Variants in CYP27A1 observed in about 807,000 individuals in gnomAD.
The protein encoded by CYP27A1 is sterol 26-hydroxylase, mitochondrial.
Under a neutral mutation model 58.2 loss-of-function variants are expected in CYP27A1, and 46 were observed. That is an observed-to-expected ratio of 0.79 (90% confidence interval 0.62 to 1.01). CYP27A1 has a LOEUF of 1.01. CYP27A1 is among the 50% of genes least tolerant of loss of function. CYP27A1 has a pLI of 0.00. For synonymous variants in CYP27A1, 274 were observed against 285.1 expected (o/e 0.96, Z 0.39); for missense variants, 704 against 687.0 (o/e 1.02, Z -0.28).
At chr2:218,789,639 G>A (rs1241517204) in intron 1 of CYP27A1, among the ~76,000 whole-genome samples, 1 of 152,224 alleles carries the variant, frequency 6.6e-6, no homozygotes, top group African/African-American at 2.4e-5. Context: ...AGTTTGTAAT[G>A]TGCTGAGAAA....
At chr2:218,794,296 A>T (rs1488398481) in intron 1 of CYP27A1, among the ~76,000 whole-genome samples, 1 of 152,212 alleles carries the variant, frequency 6.6e-6, no homozygotes, top group Non-Finnish European at 1.5e-5. Flanking sequence ...TGGGATAAGG[A>T]TGAAGATTGA....
rs367811760 is a variant in CYP27A1 at position 218,782,716 on chromosome 2, G to A, written c.255+279G>A. ...ACTTACAGTGAGCAGAGGTTGAGGA[G>A]GGAGCTGTCTTGGGAAGAGAGTGGC... is the stretch of plus-strand genomic sequence containing the variant. On this transcript the variant is annotated intron_variant, in intron 1 of 8. Coordinates refer to ENST00000258415, the MANE Select transcript of CYP27A1 (RefSeq NM_000784.4). The surrounding 1 kb of genome is among the most constrained non-coding windows in gnomAD (Gnocchi z 4.1). Among the ~76,000 whole-genome samples the A allele has an allele frequency of 1.3e-5, 2 of 152,144 alleles. No individual in the cohort carries two copies. Among genetic ancestry groups the A allele is most frequent in the Non-Finnish European group, 2.9e-5 (2 of 68,044 alleles).
chr2:218,811,387 A>T (rs1462832567), intron 2 of CYP27A1, among the ~76,000 whole-genome samples: 1 of 152,192 alleles, frequency 6.6e-6, no homozygotes, highest in South Asian at 2.1e-4. Flanking sequence ...ATTGCTCTAC[A>T]GCTAGCCTTT....
chr2:218,788,940 T>A (rs1458882877), intron 1 of CYP27A1, among the ~76,000 whole-genome samples: 1 of 152,234 alleles, frequency 6.6e-6, no homozygotes, highest in Non-Finnish European at 1.5e-5. Flanking sequence ...TAGACATCTA[T>A]AAAGTTGTCC....
At chr2:218,801,505 C>A (rs1177166682) in intron 1 of CYP27A1, among the ~76,000 whole-genome samples, 8 of 150,768 alleles carry the variant, frequency 5.3e-5, no homozygotes, top group South Asian at 2.1e-4. Flanking sequence ...GACTCCATCT[C>A]AAAAAAAACC....
intron 2 of CYP27A1, among the ~76,000 whole-genome samples, chr2:218,810,845 A>T (rs1479444166): frequency 6.6e-6 from 1 of 152,120 alleles, no homozygotes; most frequent in Non-Finnish European, 1.5e-5. Context: ...TTAAAGAAAA[A>T]ATATATATTA....
At chr2:218,788,172 T>G (rs139138559) in intron 1 of CYP27A1, among the ~76,000 whole-genome samples, 148 of 152,352 alleles carry the variant, frequency 9.7e-4, no homozygotes, top group Admixed American at 3.5e-3. Flanking sequence ...GGGGCCGGAA[T>G]GGCCAAGATG....
At chr2:218,783,257 CAA>C (rs371442397) in intron 1 of CYP27A1, among the ~76,000 whole-genome samples, 58 of 79,536 alleles carry the variant, frequency 7.3e-4, no homozygotes, top group African/African-American at 2.1e-3. Flanking sequence ...AACTCTGTCT[CAA>C]AAAAAAAAAA....
chr2:218,814,230 G>C (rs1198295065), intron 6 of CYP27A1, 43 bp downstream of exon 6: 3 of 1,613,436 alleles, frequency 1.9e-6, no homozygotes, highest in Non-Finnish European at 2.5e-6. Flanking sequence ...ATCTCTTTGT[G>C]GGGAGGGAAT....
intron 1 of CYP27A1, among the ~76,000 whole-genome samples, chr2:218,806,480 T>C (rs1943653084): frequency 6.6e-6 from 1 of 152,390 alleles, no homozygotes; most frequent in African/African-American, 2.4e-5. Context: ...CGCACACCAC[T>C]GTCGGCTACA....
chr2:218,805,943 A>G (rs1044706240), intron 1 of CYP27A1: 3 of 152,236 alleles, frequency 2.0e-5, no homozygotes, highest in African/African-American at 4.8e-5. Context: ...GCTTAGCTAA[A>G]AGGAGAAATG....
rs1457655570 is a variant in CYP27A1 at position 218,814,050 on chromosome 2, C to T, written c.1047C>T (p.Tyr349=). The T allele has an allele frequency of 6.2e-7, 1 of 1,614,270 alleles. No homozygotes were observed. The highest frequency in any genetic ancestry group is 1.1e-5 in the South Asian group (1 of 91,088). Residue 349 remains tyrosine (Y), a synonymous_variant, in exon 6 of 9, where the codon TAC becomes TAT. Coordinates refer to ENST00000258415, the MANE Select transcript of CYP27A1 (RefSeq NM_000784.4). ...CCAACACGCTGACATGGGCCCTGTA[C>T]CACCTCTCAAAGGACCCTGAGATCC... ...TTSNTLTWAL[Y]HLSKDPEIQE...
chr2:218,786,991 G>A (rs187483878), intron 1 of CYP27A1, among the ~76,000 whole-genome samples: 30 of 151,990 alleles, frequency 2.0e-4, no homozygotes, highest in Admixed American at 1.5e-3. Context: ...AAGAGGTTTC[G>A]CCATGCCCAG....
At chr2:218,792,066 C>A (rs1005289548) in intron 1 of CYP27A1, among the ~76,000 whole-genome samples, 2 of 150,370 alleles carry the variant, frequency 1.3e-5, no homozygotes, top group African/African-American at 2.4e-5. Context: ...GAAGTCACTA[C>A]ACACACACAC....
intron 1 of CYP27A1, among the ~76,000 whole-genome samples, chr2:218,784,068 T>C (rs1048173588): frequency 1.3e-5 from 2 of 152,048 alleles, no homozygotes; most frequent in African/African-American, 4.8e-5. Flanking sequence ...GAGGCAGATC[T>C]GAGCCACACT....
In CYP27A1 at chr2:218,809,692, A is replaced by T. The variant is rs747748483; in HGVS notation, c.371A>T (p.Tyr124Phe). The change falls in exon 2 of 9, where the codon TAC becomes TTC. Residue 124 changes from tyrosine to phenylalanine, a missense_variant. Coordinates refer to ENST00000258415, the MANE Select transcript of CYP27A1 (RefSeq NM_000784.4). ...CAAGTGATGCGGCAAGAGGGCAAGT[A>T]CCCAGTACGGAACGACATGGAGCTA... ...LEQVMRQEGK[Y>F]PVRNDMELWK... 4 of 1,614,136 alleles carry T rather than the reference A, an allele frequency of 2.5e-6. No individual in the cohort carries two copies. Among genetic ancestry groups the T allele is most frequent in the Non-Finnish European group, 3.4e-6 (4 of 1,180,014 alleles).
At chr2:218,800,721 A>G (rs1943592218) in intron 1 of CYP27A1, among the ~76,000 whole-genome samples, 1 of 152,218 alleles carries the variant, frequency 6.6e-6, no homozygotes, top group Non-Finnish European at 1.5e-5. Context: ...TAGGTTCTTA[A>G]TAAGCGCTTG....
In CYP27A1 at chr2:218,782,229, C is replaced by T; in HGVS notation, c.47C>T (p.Ala16Val). Reference protein sequence around the residue: ...CARLRWALRGAGRGLCPHGAR... With the variant: ...CARLRWALRGVGRGLCPHGAR... ...AGGCTGAGGTGGGCGCTGCGAGGGG[C>T]CGGCCGTGGCCTCTGCCCCCACGGG... is the stretch of plus-strand genomic sequence containing the variant. Residue 16 changes from alanine to valine, a missense_variant, in exon 1 of 9, where the codon GCC becomes GTC. Ala to Val is a moderately conservative substitution (Grantham distance 64). Transcript: ENST00000258415. This position sits in a 1 kb window ranked among gnomAD's most constrained non-coding sequence, Gnocchi z 4.1. The T allele has an allele frequency of 1.3e-6, 2 of 1,542,038 alleles. No homozygotes were observed. The highest frequency in any genetic ancestry group is 1.7e-6 in the Non-Finnish European group (2 of 1,146,232).
chr2:218,799,235 G>A (rs922182603), intron 1 of CYP27A1, among the ~76,000 whole-genome samples: 1 of 151,912 alleles, frequency 6.6e-6, no homozygotes, highest in Non-Finnish European at 1.5e-5. Context: ...GCCTCTTTAT[G>A]TTTCTAAGCC....
Sources: gnomAD v4.1 joint callset for allele counts (sites outside exome capture counted in the v4.1 genomes callset) on GRCh38, gnomAD v4.1.1 for gene constraint, Gnocchi (gnomAD v3.1) non-coding constraint, MANE v1.5 for transcripts, NCBI Gene and HGNC (gene_info 2026-07-23, HGNC 2026-07-21) for gene names.